Variants in CHRM3 observed in about 807,000 individuals in gnomAD.
CHRM3 encodes muscarinic acetylcholine receptor M3.
Under a neutral mutation model 41.8 loss-of-function variants are expected in CHRM3, and 11 were observed. That is an observed-to-expected ratio of 0.26 (90% CI 0.17 to 0.44). The LOEUF (loss-of-function observed/expected upper bound fraction) is 0.44. Ranked by LOEUF, CHRM3 falls within the 20% of genes least tolerant of loss-of-function variation. The pLI, the probability that CHRM3 is intolerant of heterozygous loss-of-function variation, is 1.00. For missense variants in CHRM3, 571 were observed against 745.4 expected (o/e 0.77, Z 2.72); for synonymous variants, 297 against 301.4 (o/e 0.99, Z 0.15).
chr1:239,504,800 A>G (rs1223948070), intron 2 of CHRM3, among the ~76,000 whole-genome samples: 2 of 152,184 alleles, frequency 1.3e-5, no homozygotes, highest in East Asian at 1.9e-4. Flanking sequence ...TTCTAAGTGA[A>G]GTAACTCAGG....
chr1:239,576,090 T>G (rs1424002685), intron 3 of CHRM3, among the ~76,000 whole-genome samples: 1 of 152,130 alleles, frequency 6.6e-6, no homozygotes, highest in Non-Finnish European at 1.5e-5. Context: ...GCAGCTTGCT[T>G]ATTTCACATC....
At chr1:239,676,175 A>T (rs1360360395) in intron 4 of CHRM3, among the ~76,000 whole-genome samples, 1 of 152,216 alleles carries the variant, frequency 6.6e-6, no homozygotes, top group Non-Finnish European at 1.5e-5. Context: ...GCACCAGCAA[A>T]GTTACTAAAG....
intron 3 of CHRM3, among the ~76,000 whole-genome samples, chr1:239,630,887 G>A (rs1212584105): frequency 6.6e-6 from 1 of 151,924 alleles, no homozygotes; most frequent in Non-Finnish European, 1.5e-5. Flanking sequence ...TTCTCAGATA[G>A]GGAGGGCCGG....
intron 3 of CHRM3, among the ~76,000 whole-genome samples, chr1:239,620,991 T>G (rs544866742): frequency 5.3e-5 from 8 of 152,314 alleles, no homozygotes; most frequent in South Asian, 2.1e-4. Context: ...GATTGAAGAT[T>G]TGTAGCTTCC....
At chr1:239,738,175 TA>T (rs1272621886) in intron 5 of CHRM3, among the ~76,000 whole-genome samples, 1 of 152,210 alleles carries the variant, frequency 6.6e-6, no homozygotes, top group East Asian at 1.9e-4. Flanking sequence ...TCAATATGAC[TA>T]AATTTTCTCT....
intron 6 of CHRM3, among the ~76,000 whole-genome samples, chr1:239,899,474 G>A (rs543306928): frequency 7.5e-6 from 1 of 133,570 alleles, no homozygotes; most frequent in African/African-American, 3.1e-5. Context: ...GTATATATGT[G>A]TGTATATATA....
At chr1:239,444,787 A>T (rs1014603571) in intron 1 of CHRM3, among the ~76,000 whole-genome samples, 2 of 152,220 alleles carry the variant, frequency 1.3e-5, no homozygotes, top group African/African-American at 4.8e-5. Context: ...AGAATATTGT[A>T]TGTTTCTTAG....
chr1:239,759,146 G>C (rs1284135212), intron 5 of CHRM3, among the ~76,000 whole-genome samples: 1 of 144,428 alleles, frequency 6.9e-6, no homozygotes, highest in East Asian at 2.0e-4. Context: ...TTTCCCCCCT[G>C]AGCTTTATGG....
chr1:239,785,903 A>T (rs1234188867), intron 5 of CHRM3, among the ~76,000 whole-genome samples: 2 of 152,160 alleles, frequency 1.3e-5, no homozygotes, highest in East Asian at 3.9e-4. Flanking sequence ...TATTTTCTTT[A>T]TGTAAAATTT....
At chr1:239,686,968 A>G (rs1297278270) in intron 5 of CHRM3, among the ~76,000 whole-genome samples, 7 of 152,170 alleles carry the variant, frequency 4.6e-5, no homozygotes, top group African/African-American at 1.7e-4. Context: ...TTTACTTCAT[A>G]TTATTAACAT....
intron 2 of CHRM3, among the ~76,000 whole-genome samples, chr1:239,537,108 AT>A (rs1315695848): frequency 6.6e-6 from 1 of 152,098 alleles, no homozygotes; most frequent in Non-Finnish European, 1.5e-5. Context: ...TTAAAAAAAA[AT>A]ACCCCTTTAA....
At chr1:239,505,259 GGATGAT>G (rs3028735) in intron 2 of CHRM3, among the ~76,000 whole-genome samples, 3,292 of 144,580 alleles carry the variant, frequency 0.023, 53 homozygotes, top group African/African-American at 0.043. Flanking sequence ...CTGTTTCCTG[GGATGAT>G]GATGATGATG....
chr1:239,561,582 T>C (rs1660862810), intron 3 of CHRM3, among the ~76,000 whole-genome samples: 1 of 151,912 alleles, frequency 6.6e-6, no homozygotes, highest in African/African-American at 2.4e-5. Flanking sequence ...TCATAAAGAA[T>C]ATTATATATT....
intron 5 of CHRM3, among the ~76,000 whole-genome samples, chr1:239,802,750 A>G (rs1317879098): frequency 6.6e-6 from 1 of 152,066 alleles, no homozygotes; most frequent in African/African-American, 2.4e-5. Flanking sequence ...GGTGTGCACC[A>G]CCACGCCCAG....
chr1:239,415,673 T>C (rs527488531), intron 1 of CHRM3, among the ~76,000 whole-genome samples: 1 of 152,338 alleles, frequency 6.6e-6, no homozygotes, highest in Admixed American at 6.5e-5. Flanking sequence ...TAATAAATTT[T>C]AATTAGCAAA....
intron 1 of CHRM3, among the ~76,000 whole-genome samples, chr1:239,414,048 G>A (rs1342299332): frequency 6.6e-6 from 1 of 152,172 alleles, no homozygotes; most frequent in Non-Finnish European, 1.5e-5. Flanking sequence ...CTAGGCCCTT[G>A]TCGTTTGTAA....
At chr1:239,643,568 G>T (rs143070895) in intron 4 of CHRM3, among the ~76,000 whole-genome samples, 1 of 152,186 alleles carries the variant, frequency 6.6e-6, no homozygotes, top group African/African-American at 2.4e-5. Context: ...AGGACCCTCC[G>T]AGCCAGGTGC....
At chr1:239,713,637 A>G (rs940526744) in intron 5 of CHRM3, among the ~76,000 whole-genome samples, 1 of 152,188 alleles carries the variant, frequency 6.6e-6, no homozygotes, top group African/African-American at 2.4e-5. Flanking sequence ...TATAGCTCCC[A>G]TCACAGATCT....
intron 6 of CHRM3, among the ~76,000 whole-genome samples, chr1:239,827,637 A>T (rs1469605647): frequency 6.6e-6 from 1 of 152,210 alleles, no homozygotes; most frequent in African/African-American, 2.4e-5. Context: ...AGCACGTTTC[A>T]CTAAAAATTA....
Sources: allele counts gnomAD v4.1 joint callset (sites outside exome capture counted in the v4.1 genomes callset), GRCh38; gene constraint gnomAD v4.1.1; transcripts MANE v1.5; gene names NCBI Gene and HGNC (gene_info 2026-07-23, HGNC 2026-07-21).